LYN: variants seen among roughly 807,000 people sequenced by gnomAD.
LYN encodes tyrosine-protein kinase Lyn.
In LYN, 12 loss-of-function variants were observed where a neutral mutation model predicts 65.0. That is an observed-to-expected ratio of 0.18 (90% CI 0.12 to 0.30). LYN has a LOEUF of 0.30. Among genes scored for constraint, LYN ranks in the 10% least tolerant of loss-of-function variants. The pLI is 1.00. For missense variants in LYN, 380 were observed against 623.2 expected, an observed-to-expected ratio of 0.61 and a Z score of 4.16; for synonymous variants, 222 against 221.2, an observed-to-expected ratio of 1.00 and a Z score of -0.03.
chr8:55,937,332 A>C (rs980348591), intron 1 of LYN, among the ~76,000 whole-genome samples: 5 of 152,172 alleles, frequency 3.3e-5, no homozygotes, highest in African/African-American at 1.2e-4. Context: ...CAAAAACCGC[A>C]ATTACTTTTG....
intron 10 of LYN, among the ~76,000 whole-genome samples, chr8:55,976,161 A>T (rs144753711): frequency 3.2e-4 from 49 of 151,958 alleles, no homozygotes; most frequent in African/African-American, 1.2e-3. Context: ...AAAAGTGGAG[A>T]TGAAAGCAGT....
At chr8:55,960,727 G>A (rs1807247590) in intron 8 of LYN, among the ~76,000 whole-genome samples, 1 of 152,174 alleles carries the variant, frequency 6.6e-6, no homozygotes, top group Admixed American at 6.5e-5. Context: ...AACCCAGTAA[G>A]TTAATATTTT....
chr8:55,976,012 G>A (rs1807741567), intron 10 of LYN, among the ~76,000 whole-genome samples: 1 of 152,076 alleles, frequency 6.6e-6, no homozygotes, highest in African/African-American at 2.4e-5. Flanking sequence ...TTGACCAGGG[G>A]TGGCAATTTC....
intron 1 of LYN, among the ~76,000 whole-genome samples, chr8:55,908,994 T>C (rs1349141498): frequency 7.6e-4 from 15 of 19,830 alleles, no homozygotes; most frequent in African/African-American, 4.7e-3. Flanking sequence ...TGTATGTATA[T>C]ATATATATAT....
intron 1 of LYN, among the ~76,000 whole-genome samples, chr8:55,889,825 T>A (rs1446769463): frequency 6.6e-6 from 1 of 152,156 alleles, no homozygotes; most frequent in East Asian, 1.9e-4. Context: ...CCTTCCTAAC[T>A]GTGGGCTGCT....
chr8:55,907,738 C>T (rs1805470149), intron 1 of LYN, among the ~76,000 whole-genome samples: 1 of 152,040 alleles, frequency 6.6e-6, no homozygotes, highest in South Asian at 2.1e-4. Context: ...TGGTGGTGCA[C>T]GCCTGTGGTC....
intron 1 of LYN, among the ~76,000 whole-genome samples, chr8:55,881,408 G>C (rs1450376388): frequency 2.0e-5 from 3 of 152,208 alleles, no homozygotes; most frequent in Non-Finnish European, 4.4e-5. Context: ...CATGCCCTGG[G>C]GAATAGGCAC....
chr8:55,904,584 C>A (rs1274163582), intron 1 of LYN, among the ~76,000 whole-genome samples: 5 of 152,004 alleles, frequency 3.3e-5, no homozygotes, highest in Non-Finnish European at 5.9e-5. Context: ...GATCATGCAC[C>A]TATAAAAGAT....
At chr8:55,998,657 A>G (rs1488396555) in intron 11 of LYN, among the ~76,000 whole-genome samples, 158 bp downstream of exon 11, 3 of 152,298 alleles carry the variant, frequency 2.0e-5, no homozygotes, top group East Asian at 3.9e-4. Flanking sequence ...TTCTATTCTA[A>G]TAGTTTCTAG....
At chr8:55,906,150 C>T (rs1482179699) in intron 1 of LYN, among the ~76,000 whole-genome samples, 1 of 152,118 alleles carries the variant, frequency 6.6e-6, no homozygotes, top group South Asian at 2.1e-4. Context: ...ATTTCTGAGC[C>T]ATCTTTTGCC....
chr8:55,896,143 C>G (rs193152361), intron 1 of LYN, among the ~76,000 whole-genome samples: 11 of 151,658 alleles, frequency 7.3e-5, no homozygotes, highest in Non-Finnish European at 1.6e-4. Flanking sequence ...GGTGGCATGC[C>G]CCTGTCATCC....
At chr8:55,893,198 T>G (rs1805003115) in intron 1 of LYN, among the ~76,000 whole-genome samples, 1 of 152,236 alleles carries the variant, frequency 6.6e-6, no homozygotes, top group Non-Finnish European at 1.5e-5. Flanking sequence ...ACACATGAGT[T>G]TGATCTGAGC....
chr8:55,916,660 C>T (rs1361012515), intron 1 of LYN, among the ~76,000 whole-genome samples: 1 of 152,152 alleles, frequency 6.6e-6, no homozygotes, highest in African/African-American at 2.4e-5. Context: ...CTCCCTCCTC[C>T]CCTGGGAGTG....
intron 10 of LYN, among the ~76,000 whole-genome samples, chr8:55,984,243 G>C (rs1441217642): frequency 6.6e-6 from 1 of 152,082 alleles, no homozygotes; most frequent in Admixed American, 6.6e-5. Flanking sequence ...CGTGAGTTTT[G>C]GGGGGACATT....
chr8:55,899,699 G>A (rs992684879), intron 1 of LYN, among the ~76,000 whole-genome samples: 1 of 151,940 alleles, frequency 6.6e-6, no homozygotes, highest in Non-Finnish European at 1.5e-5. Flanking sequence ...ACCCAGGCTG[G>A]AGTGCAATGG....
At chr8:55,880,136 CG>C in intron 1 of LYN, 33 bp downstream of exon 1, 1 of 231,640 alleles carries the variant, frequency 4.3e-6, no homozygotes, top group South Asian at 4.3e-5. Flanking sequence ...GGGGTGGGCG[CG>C]GGCACGCGGG....
In LYN at chr8:55,979,716, A is replaced by C. The variant is rs146078280; in HGVS notation, c.1050+9923A>C. ...GCCTCCACCCAGCACAGCTCTGCAG[A>C]TCTCACCCTGATTCAGCGTCACCCC... On this transcript the variant is annotated intron_variant, in intron 10 of 12. Transcript: ENST00000519728. 1.6e-3 allele frequency among the ~76,000 whole-genome samples: 243 copies of C among 152,152 alleles called. 2 individuals carry two copies. Among genetic ancestry groups the C allele is most frequent in the African/African-American group, 5.4e-3 (223 of 41,512 alleles).
At chr8:56,001,940 C>T (rs1808523588) in intron 12 of LYN, among the ~76,000 whole-genome samples, 2 of 152,138 alleles carry the variant, frequency 1.3e-5, no homozygotes, top group African/African-American at 4.8e-5. Context: ...AGCCAATGTG[C>T]ACAATGCCCA....
intron 10 of LYN, among the ~76,000 whole-genome samples, chr8:55,984,880 T>G (rs1300056041): frequency 6.6e-6 from 1 of 152,250 alleles, no homozygotes; most frequent in Non-Finnish European, 1.5e-5. Context: ...ACATTTTTTA[T>G]TGTCTTATTT....
Sources: allele counts gnomAD v4.1 joint callset (sites outside exome capture counted in the v4.1 genomes callset), GRCh38; gene constraint gnomAD v4.1.1; transcripts MANE v1.5; gene names NCBI Gene and HGNC (gene_info 2026-07-23, HGNC 2026-07-21).